Variants in BAIAP2L1 observed in about 807,000 individuals in gnomAD.
BAIAP2L1 encodes the protein BAR/IMD domain containing adaptor protein 2 like 1.
BAIAP2L1 carries 35 observed loss-of-function variants against 66.3 expected under a neutral mutation model. The ratio of observed to expected loss-of-function variants is 0.53; its 90% CI spans 0.40 to 0.70. BAIAP2L1 has a LOEUF of 0.70. BAIAP2L1 is among the 30% of genes least tolerant of loss of function. The pLI, the probability that BAIAP2L1 is intolerant of heterozygous loss-of-function variation, is 0.00. For missense variants in BAIAP2L1, 622 were observed against 656.9 expected (o/e 0.95, Z 0.58); for synonymous variants, 269 against 248.7 (o/e 1.08, Z -0.77).
chr7:98,357,012 A>ATATATAT, intron 2 of BAIAP2L1, among the ~76,000 whole-genome samples: 1 of 32,446 alleles, frequency 3.1e-5, no homozygotes, highest in Non-Finnish European at 4.9e-5. Flanking sequence ...AAAAAAAAAA[A>ATATATAT]AAAAAAAAAT....
intron 3 of BAIAP2L1, among the ~76,000 whole-genome samples, chr7:98,341,153 A>G (rs1394388480): frequency 6.6e-6 from 1 of 152,134 alleles, no homozygotes; most frequent in Non-Finnish European, 1.5e-5. Flanking sequence ...ATTATTTTCC[A>G]AACCCCAAAC....
At chr7:98,386,370 G>A (rs1460894038) in intron 1 of BAIAP2L1, 2 of 1,594,126 alleles carry the variant, frequency 1.3e-6, no homozygotes, top group East Asian at 2.2e-5. Flanking sequence ...CTGCAAATCA[G>A]CAAGACTCAC....
At position 98,315,614 on chromosome 7, in the gene BAIAP2L1, T is replaced by TAAAAA; in HGVS notation, c.487-7_487-3dup. 1 of 772,462 alleles carries TAAAAA rather than the reference T, an allele frequency of 1.3e-6. No homozygotes were observed. Among genetic ancestry groups the TAAAAA allele is most frequent in the African/African-American group, 2.0e-5 (1 of 51,186 alleles). The allele number at this position is 772,462 out of a possible 1,614,324, so 47.9% of individuals were successfully genotyped here. Reference sequence around the variant, plus strand: ...ACGAGAAGTAACGGTCTCCACATACTAAAAAAAAAAAAATAATAATAATAA... The same window carrying TAAAAA: ...ACGAGAAGTAACGGTCTCCACATACTAAAAAAAAAAAAAAAAAATAATAATAATAA... On this transcript the variant is annotated splice_polypyrimidine_tract_variant and splice_region_variant and intron_variant, in intron 6 of 13. Transcript: ENST00000005260.
At chr7:98,318,254 A>G (rs1218967142) in intron 5 of BAIAP2L1, among the ~76,000 whole-genome samples, 3 of 152,154 alleles carry the variant, frequency 2.0e-5, no homozygotes, top group Non-Finnish European at 4.4e-5. Flanking sequence ...TTCTTTCCTC[A>G]AAGGCTTTTT....
At chr7:98,298,535 C>T (rs1472155324) in intron 12 of BAIAP2L1, among the ~76,000 whole-genome samples, 2 of 151,956 alleles carry the variant, frequency 1.3e-5, no homozygotes, top group Non-Finnish European at 2.9e-5. Context: ...ATGGCGTGAA[C>T]CCAGGAGGTG....
intron 1 of BAIAP2L1, 106 bp downstream of exon 1, chr7:98,400,696 G>A (rs1337061209): frequency 3.3e-5 from 43 of 1,303,408 alleles, no homozygotes; most frequent in Admixed American, 1.4e-4. Context: ...GAAGGACGCG[G>A]GGGAGGGGAG....
intron 6 of BAIAP2L1, among the ~76,000 whole-genome samples, chr7:98,316,072 T>C (rs149680196): frequency 0.024 from 3,636 of 152,264 alleles, 55 homozygotes; most frequent in South Asian, 0.052. Flanking sequence ...AATTGAATCA[T>C]GGGGGCAGGT....
chr7:98,362,266 G>A, intron 2 of BAIAP2L1, 91 bp downstream of exon 2: 1 of 971,860 alleles, frequency 1.0e-6, no homozygotes, highest in Non-Finnish European at 1.6e-6. Flanking sequence ...ACCACTTAAA[G>A]GTATTTAAAA....
chr7:98,363,317 G>A (rs1021466991), intron 1 of BAIAP2L1, among the ~76,000 whole-genome samples: 6 of 152,004 alleles, frequency 3.9e-5, no homozygotes, highest in African/African-American at 1.2e-4. Context: ...TTACAGGCAC[G>A]AGCCACTGCG....
At chr7:98,383,562 C>T (rs1260224549) in intron 1 of BAIAP2L1, among the ~76,000 whole-genome samples, 1 of 151,980 alleles carries the variant, frequency 6.6e-6, no homozygotes, top group Admixed American at 6.6e-5. Flanking sequence ...GCTGGGATTA[C>T]AGGCGTGAGC....
At chr7:98,367,218 C>T (rs1802406211) in intron 1 of BAIAP2L1, among the ~76,000 whole-genome samples, 5 of 152,068 alleles carry the variant, frequency 3.3e-5, no homozygotes, top group Admixed American at 3.3e-4. Flanking sequence ...ACAGAGTTCC[C>T]AGGTATGCTT....
chr7:98,316,775 TCC>T (rs1240299511), intron 6 of BAIAP2L1, among the ~76,000 whole-genome samples: 1 of 151,832 alleles, frequency 6.6e-6, no homozygotes, highest in Admixed American at 6.6e-5. Context: ...CTTCATCCAC[TCC>T]CCAGTCAACA....
chr7:98,369,968 A>G (rs1802472917), intron 1 of BAIAP2L1, among the ~76,000 whole-genome samples: 1 of 151,994 alleles, frequency 6.6e-6, no homozygotes, highest in African/African-American at 2.4e-5. Flanking sequence ...CATCATACCC[A>G]ACCAATTTCC....
At chr7:98,362,204 T>G (rs528356123) in intron 2 of BAIAP2L1, among the ~76,000 whole-genome samples, 153 bp downstream of exon 2, 1 of 152,356 alleles carries the variant, frequency 6.6e-6, no homozygotes, top group East Asian at 1.9e-4. Context: ...AATATCATTG[T>G]GTACTGTCAT....
At position 98,293,965 on chromosome 7, in the gene BAIAP2L1, G is replaced by A. The variant is rs925407917; in HGVS notation, c.1460+109C>T. On this transcript the variant is annotated intron_variant, in intron 13 of 13. Transcript: ENST00000005260. ...CTCCCCCATGGCTCCACAGGCCGAG[G>A]CCTTTCTCAGGCTGGACCCCCTGGG... The A allele has an allele frequency of 2.6e-5, 33 of 1,281,398 alleles. No individual in the cohort carries two copies. In the Admixed American group the frequency reaches 3.6e-4, roughly 14 times the overall value. The allele number at this position is 1,281,398 out of a possible 1,614,324, so 79.4% of individuals were successfully genotyped here. A position where few individuals can be genotyped will look rare whatever the true frequency, so the allele number is the denominator to read the frequency against.
chr7:98,314,476 G>GT (rs1800996917), intron 7 of BAIAP2L1, among the ~76,000 whole-genome samples: 1 of 152,162 alleles, frequency 6.6e-6, no homozygotes, highest in Non-Finnish European at 1.5e-5. Context: ...ACCAGTGCTA[G>GT]TTTTGGATGT....
rs114430565 is a variant in BAIAP2L1, at chr7:98,375,441, T to C, written c.52-13009A>G. 6.0e-3 allele frequency among the ~76,000 whole-genome samples: 896 copies of C among 148,302 alleles called. 8 individuals carry two copies. The highest frequency in any genetic ancestry group is 0.021 in the African/African-American group (833 of 40,098). On this transcript the variant is annotated intron_variant, in intron 1 of 13. Transcript: ENST00000005260. ...AGAGTGTAGAATCCACAACCACCTGTAGTCCCCACAAGAATTACTAACAGT... is the reference window on the plus strand; with the variant it reads ...AGAGTGTAGAATCCACAACCACCTGCAGTCCCCACAAGAATTACTAACAGT...
At chr7:98,382,777 C>T (rs1333964542) in intron 1 of BAIAP2L1, among the ~76,000 whole-genome samples, 1 of 152,068 alleles carries the variant, frequency 6.6e-6, no homozygotes, top group Non-Finnish European at 1.5e-5. Flanking sequence ...ATTGTGGAAC[C>T]CTGCCCCAGA....
At chr7:98,391,554 A>G (rs1014492377) in intron 1 of BAIAP2L1, among the ~76,000 whole-genome samples, 3 of 150,720 alleles carry the variant, frequency 2.0e-5, no homozygotes, top group African/African-American at 7.3e-5. Flanking sequence ...CTAAAAATAC[A>G]AAAAAAAATT....
Sources: gnomAD v4.1 joint callset for allele counts (sites outside exome capture counted in the v4.1 genomes callset) on GRCh38, gnomAD v4.1.1 for gene constraint, MANE v1.5 for transcripts, NCBI Gene and HGNC (gene_info 2026-07-23, HGNC 2026-07-21) for gene names.